The following RBM17 variants were observed in gnomAD, a reference collection of about 807,000 sequenced individuals.
RBM17 encodes the protein splicing factor 45.
In RBM17, 7 loss-of-function variants were observed where a neutral mutation model predicts 53.2. The observed-to-expected ratio is 0.13, with a 90% CI of 0.07 to 0.25. The LOEUF (loss-of-function observed/expected upper bound fraction) is 0.25. Ranked by LOEUF, RBM17 falls within the 10% of genes least tolerant of loss-of-function variation. The pLI is 1.00. For missense variants in RBM17, 257 were observed against 496.7 expected, an observed-to-expected ratio of 0.52 and a Z score of 4.59; for synonymous variants, 167 against 178.1, an observed-to-expected ratio of 0.94 and a Z score of 0.50.
At chr10:6,096,179 G>A (rs1405061643) in intron 1 of RBM17, among the ~76,000 whole-genome samples, 1 of 152,066 alleles carries the variant, frequency 6.6e-6, no homozygotes, top group Non-Finnish European at 1.5e-5. Context: ...TCAGAATGTT[G>A]ATTTTTTTTT....
intron 1 of RBM17, among the ~76,000 whole-genome samples, chr10:6,091,566 G>A (rs75407903): frequency 0.013 from 2,005 of 152,204 alleles, 101 homozygotes; most frequent in East Asian, 0.094. Context: ...CTTATCATAA[G>A]TTATGTGCTT....
intron 3 of RBM17, among the ~76,000 whole-genome samples, chr10:6,103,017 C>T (rs1840691195): frequency 6.6e-6 from 1 of 152,194 alleles, no homozygotes; most frequent in Admixed American, 6.5e-5. Context: ...GTTTTGAACT[C>T]CTGAGCTCAA....
At chr10:6,098,588 T>G (rs1456797599) in intron 2 of RBM17, among the ~76,000 whole-genome samples, 2 of 114,336 alleles carry the variant, frequency 1.7e-5, no homozygotes, top group Non-Finnish European at 1.8e-5. Flanking sequence ...TTTTTTTTTT[T>G]TTTTTGAGAC....
intron 1 of RBM17, among the ~76,000 whole-genome samples, chr10:6,091,096 A>G (rs572059544): frequency 2.0e-5 from 3 of 150,546 alleles, no homozygotes; most frequent in Admixed American, 6.6e-5. Flanking sequence ...GTCTCACTCT[A>G]TAGTCCAGGC....
intron 3 of RBM17, 79 bp downstream of exon 3, chr10:6,101,466 C>A: frequency 1.4e-6 from 1 of 729,214 alleles, no homozygotes; most frequent in South Asian, 2.6e-5. Flanking sequence ...TTACTCTTAA[C>A]AGATGGCCTC....
At chr10:6,095,235 C>T (rs999437404) in intron 1 of RBM17, among the ~76,000 whole-genome samples, 2 of 150,924 alleles carry the variant, frequency 1.3e-5, no homozygotes, top group African/African-American at 4.9e-5. Context: ...TTTTTTTTGG[C>T]GGAGTCTTTA....
chr10:6,111,392 T>G (rs1840835400), intron 7 of RBM17, among the ~76,000 whole-genome samples: 1 of 152,218 alleles, frequency 6.6e-6, no homozygotes. Context: ...CAGGCTGGAG[T>G]GCAGTGGTGC....
chr10:6,100,296 A>G (rs1399810683), intron 2 of RBM17, among the ~76,000 whole-genome samples: 1 of 152,234 alleles, frequency 6.6e-6, no homozygotes, highest in Non-Finnish European at 1.5e-5. Flanking sequence ...AATGGTTACC[A>G]CCATACCCAT....
chr10:6,108,350 G>A, intron 5 of RBM17: 1 of 318,532 alleles, frequency 3.1e-6, no homozygotes, highest in Non-Finnish European at 5.7e-6. Flanking sequence ...ATTGCTCTCG[G>A]TAAATAGTTA....
intron 6 of RBM17, among the ~76,000 whole-genome samples, chr10:6,109,461 G>A (rs538434570): frequency 6.6e-6 from 1 of 152,294 alleles, no homozygotes; most frequent in South Asian, 2.1e-4. Flanking sequence ...ACTAGTCTCT[G>A]GGAGTGGGGC....
chr10:6,098,556 G>GGTTTTTGTT (rs1840613398), intron 2 of RBM17, among the ~76,000 whole-genome samples: 56 of 87,956 alleles, frequency 6.4e-4, no homozygotes, highest in East Asian at 2.8e-3. Flanking sequence ...TAATACACAG[G>GGTTTTTGTT]TTTTTTGTTT....
intron 6 of RBM17, among the ~76,000 whole-genome samples, chr10:6,109,749 AG>A (rs1374748180): frequency 1.3e-5 from 2 of 152,250 alleles, no homozygotes; most frequent in African/African-American, 4.8e-5. Flanking sequence ...GATATAAAAA[AG>A]ACGTTTGAGG....
chr10:6,114,976 G>A (rs559613241), intron 10 of RBM17: 79 of 411,352 alleles, frequency 1.9e-4, no homozygotes, highest in Middle Eastern at 6.6e-4. Context: ...ATTTGTTTAC[G>A]TCATCAGCTG....
intron 3 of RBM17, 152 bp from the exon 4 acceptor site, chr10:6,104,779 T>TGG: frequency 1.7e-6 from 1 of 598,770 alleles, no homozygotes; most frequent in Non-Finnish European, 2.8e-6. Flanking sequence ...CACGTGGCCT[T>TGG]GTCTGGTATT....
rs116000625 is a variant in RBM17, at chr10:6,115,817, T to C, written c.*261T>C. 1.7e-3 allele frequency: 507 copies of C among 294,890 alleles called. 2 individuals carry two copies. The highest frequency in any genetic ancestry group is 0.01 in the African/African-American group (484 of 46,294). 18.3% of individuals were successfully genotyped at this position (294,890 alleles called of 1,614,324 possible). ...ATTACTCCTGAGTTGATGACATTTT[T>C]TGTTAGATTTCATGGTAATTCTCAA... is the stretch of plus-strand genomic sequence containing the variant. On this transcript the variant is annotated 3_prime_UTR_variant, in exon 12 of 12. Coordinates refer to ENST00000379888, the MANE Select transcript of RBM17 (RefSeq NM_032905.5).
intron 3 of RBM17, among the ~76,000 whole-genome samples, chr10:6,102,708 T>G (rs939405624): frequency 1.3e-5 from 2 of 152,216 alleles, no homozygotes; most frequent in African/African-American, 4.8e-5. Flanking sequence ...ATTAAGCGAA[T>G]GCATCATAAT....
rs1221504658 is a variant in RBM17 at position 6,098,556 on chromosome 10, G to GTTTTTTT, written c.123+1374_123+1375insTTTTTTT. ...GTTTGAAAATTTCCGTAATACACAG[G>GTTTTTTT]TTTTTTGTTTTTTTTTTTTTTTTTT... is the stretch of plus-strand genomic sequence containing the variant. On this transcript the variant is annotated intron_variant, in intron 2 of 11. Coordinates refer to ENST00000379888, the MANE Select transcript of RBM17 (RefSeq NM_032905.5). Among the ~76,000 whole-genome samples the GTTTTTTT allele has an allele frequency of 4.3e-4, 38 of 87,980 alleles. 6 individuals are homozygous for GTTTTTTT. Among genetic ancestry groups the GTTTTTTT allele is most frequent in the African/African-American group, 1.1e-3 (27 of 24,790 alleles). 57.7% of individuals were successfully genotyped at this position (87,980 alleles called of 152,430 possible). A position where few individuals can be genotyped will look rare whatever the true frequency, so the allele number is the denominator to read the frequency against.
chr10:6,112,626 G>C lies in RBM17; in HGVS notation c.856+265G>C, dbSNP rs1470650761. The C allele has an allele frequency of 2.1e-6, 1 of 469,356 alleles. No individual in the cohort carries two copies. Among genetic ancestry groups the C allele is most frequent in the Non-Finnish European group, 3.9e-6 (1 of 254,322 alleles). The allele number at this position is 469,356 out of a possible 1,614,324, so 29.1% of individuals were successfully genotyped here. On this transcript the variant is annotated intron_variant, in intron 8 of 11. Coordinates refer to ENST00000379888, the MANE Select transcript of RBM17 (RefSeq NM_032905.5). The surrounding 1 kb of genome is among the most constrained non-coding windows in gnomAD (Gnocchi z 4.4). ...AGAGATGAAGGCTTGTGGAGGAAAAGATGGTGAGAGACTTGGGCAGAAAAT... is the reference window on the plus strand; with the variant it reads ...AGAGATGAAGGCTTGTGGAGGAAAACATGGTGAGAGACTTGGGCAGAAAAT...
At chr10:6,111,012 C>T (rs1366712535) in intron 7 of RBM17, among the ~76,000 whole-genome samples, 5 of 152,190 alleles carry the variant, frequency 3.3e-5, no homozygotes, top group African/African-American at 1.2e-4. Flanking sequence ...AGCGAATTTG[C>T]TTTTAACCAG....
Sources: allele counts gnomAD v4.1 joint callset (sites outside exome capture counted in the v4.1 genomes callset), GRCh38; gene constraint gnomAD v4.1.1; non-coding constraint Gnocchi (gnomAD v3.1); transcripts MANE v1.5; gene names NCBI Gene and HGNC (gene_info 2026-07-23, HGNC 2026-07-21).